The following CYP4V2 variants were observed in gnomAD, a reference collection of about 807,000 sequenced individuals.
CYP4V2 encodes the protein cytochrome P450 family 4 subfamily V member 2, also known as cytochrome P450 4V2.
In CYP4V2, 55 loss-of-function variants were observed where a neutral mutation model predicts 60.8. That is an observed-to-expected ratio of 0.90 (90% CI 0.73 to 1.13). The LOEUF is 1.13. CYP4V2 is among the 50% of genes most tolerant of loss of function. CYP4V2 has a pLI of 0.00. For missense variants in CYP4V2, 675 were observed against 662.9 expected, an observed-to-expected ratio of 1.02 and a Z score of -0.20; for synonymous variants, 239 against 236.8, an observed-to-expected ratio of 1.01 and a Z score of -0.08.
Position 186,191,969 on chromosome 4 carries a change from C to A in CYP4V2, c.146C>A (p.Pro49His). The change falls in exon 1 of 11, where the codon CCC becomes CAC. Residue 49 changes from proline (P) to histidine (H), a missense_variant. Pro to His is a moderately conservative substitution (Grantham distance 77, BLOSUM62 -2). Coordinates refer to ENST00000378802, the MANE Select transcript of CYP4V2 (RefSeq NM_207352.4). Reference sequence around the variant, plus strand: ...GCGCGGAAATGGCAGCAGATGCGGCCCATCCCCACGGTGGCCCGCGCCTAC... The same window carrying A: ...GCGCGGAAATGGCAGCAGATGCGGCACATCCCCACGGTGGCCCGCGCCTAC... ...SYARKWQQMRPIPTVARAYPL... is the reference protein window; with the variant it reads ...SYARKWQQMRHIPTVARAYPL... 6.3e-7 allele frequency: 1 copy of A among 1,586,336 alleles called. No individual in the cohort carries two copies.
chr4:186,211,428 CT>C lies in CYP4V2; in HGVS notation c.*788del, dbSNP rs1736717358. ...TCCCAGGTTCAAGTGATTCTCCTGC[CT>C]CAGCCTCCTGAGTAGCTGGGACTAC... On this transcript the variant is annotated 3_prime_UTR_variant, in exon 11 of 11. Coordinates refer to ENST00000378802, the MANE Select transcript of CYP4V2 (RefSeq NM_207352.4). 1 of 152,232 alleles carries C rather than the reference CT, an allele frequency of 6.6e-6. No individual in the cohort carries two copies. The highest frequency in any genetic ancestry group is 2.4e-5 in the African/African-American group (1 of 41,428). The allele number at this position is 152,232 out of a possible 1,614,324, so 9.4% of individuals were successfully genotyped here.
chr4:186,205,547 C>T (rs1736471962), intron 8 of CYP4V2, among the ~76,000 whole-genome samples: 2 of 152,154 alleles, frequency 1.3e-5, no homozygotes, highest in South Asian at 4.1e-4. Context: ...CTCACTGCTA[C>T]CCAGGCGAAA....
intron 4 of CYP4V2, 175 bp from the exon 5 acceptor site, chr4:186,197,357 AG>A: frequency 1.2e-6 from 1 of 844,188 alleles, no homozygotes; most frequent in Middle Eastern, 2.2e-4. Flanking sequence ...AAGGAAGAAC[AG>A]GAACAGGGAG....
chr4:186,201,539 G>T, intron 7 of CYP4V2, 197 bp downstream of exon 7: 1 of 590,872 alleles, frequency 1.7e-6, no homozygotes, highest in Non-Finnish European at 2.9e-6. Context: ...ATTTTGACTA[G>T]TGCTGGGCAC....
intron 8 of CYP4V2, among the ~76,000 whole-genome samples, chr4:186,205,516 C>G (rs578031218): frequency 3.3e-5 from 5 of 152,296 alleles, no homozygotes; most frequent in Non-Finnish European, 5.9e-5. Context: ...TGCACTGATG[C>G]GTGCTGCTGT....
At chr4:186,202,087 C>A (rs551010322) in intron 7 of CYP4V2, 1 of 152,240 alleles carries the variant, frequency 6.6e-6, no homozygotes, top group African/African-American at 2.4e-5. Context: ...TGAGGCTCCA[C>A]GACACGGTAG....
chr4:186,197,367 A>G, intron 4 of CYP4V2, 166 bp from the exon 5 acceptor site: 1 of 856,924 alleles, frequency 1.2e-6, no homozygotes, highest in Non-Finnish European at 1.9e-6. Context: ...AGGAACAGGG[A>G]GTAGAAGTGG....
At chr4:186,202,927 T>G (rs1736364035) in intron 7 of CYP4V2, 2 of 149,742 alleles carry the variant, frequency 1.3e-5, no homozygotes, top group African/African-American at 4.9e-5. Flanking sequence ...CATGCACACA[T>G]GCATGCATAC....
At position 186,194,632 on chromosome 4, in the gene CYP4V2, A is replaced by T. The variant is rs911209750; in HGVS notation, c.327+20A>T. On this transcript the variant is annotated intron_variant, in intron 2 of 10. Coordinates refer to ENST00000378802, the MANE Select transcript of CYP4V2 (RefSeq NM_207352.4). ...GTGGAGGTGGGTACATGTGAATATG[A>T]TCAGTATTGTACTGTGTATCTGACA... 29 of 1,579,294 alleles carry T rather than the reference A, an allele frequency of 1.8e-5. No individual in the cohort carries two copies. The highest frequency in any genetic ancestry group is 1.7e-4 in the Admixed American group (10 of 59,832).
intron 8 of CYP4V2, among the ~76,000 whole-genome samples, chr4:186,208,456 A>G (rs1333928881): frequency 6.6e-6 from 1 of 151,344 alleles, no homozygotes; most frequent in African/African-American, 2.4e-5. Context: ...GCCTTGATCC[A>G]CATGTTCTTC....
chr4:186,205,403 C>CGTGG, intron 8 of CYP4V2, 101 bp downstream of exon 8: 3 of 1,145,390 alleles, frequency 2.6e-6, no homozygotes, highest in Non-Finnish European at 4.0e-6. Flanking sequence ...GGCTCCCCCA[C>CGTGG]GGGATCCTTT....
At chr4:186,193,949 T>C (rs1036960917) in intron 1 of CYP4V2, among the ~76,000 whole-genome samples, 1 of 152,204 alleles carries the variant, frequency 6.6e-6, no homozygotes, top group African/African-American at 2.4e-5. Flanking sequence ...CTCCCAGCTG[T>C]TGGACCTGCT....
chr4:186,212,401 G>T lies in CYP4V2; in HGVS notation c.*1760G>T, dbSNP rs913011391. On this transcript the variant is annotated 3_prime_UTR_variant, in exon 11 of 11. Transcript: ENST00000378802. ...CAACCTTATAGATCATACTTATGAA[G>T]GTGATAACTGACACGTGTTCACTGA... The T allele has an allele frequency of 6.6e-6, 1 of 152,142 alleles. No homozygotes were observed. The highest frequency in any genetic ancestry group is 2.4e-5 in the African/African-American group (1 of 41,428). The allele number at this position is 152,142 out of a possible 1,614,324, so 9.4% of individuals were successfully genotyped here.
chr4:186,210,840 T>A lies in CYP4V2; in HGVS notation c.*199T>A. The A allele has an allele frequency of 7.5e-6, 2 of 265,778 alleles. No homozygotes were observed. Among genetic ancestry groups the A allele is most frequent in the East Asian group, 7.8e-5 (1 of 12,746 alleles). The allele number at this position is 265,778 out of a possible 1,614,324, so 16.5% of individuals were successfully genotyped here. ...TATTTTCTTTTTTCTTTTTTCTTTA[T>A]TTTTTTTTTTTGAAACCGTGTCTCA... On this transcript the variant is annotated 3_prime_UTR_variant, in exon 11 of 11. Transcript: ENST00000378802.
chr4:186,197,040 A>C lies in CYP4V2; in HGVS notation c.514A>C (p.Ile172Leu), dbSNP rs1332638695. ...AGATATCATGAATGAACAAGCAAATATATTGGTTAAGAAACTTGAAAAACA... is the reference window on the plus strand; with the variant it reads ...AGATATCATGAATGAACAAGCAAATCTATTGGTTAAGAAACTTGAAAAACA... ...FLDIMNEQAN[I>L]LVKKLEKHIN... The change falls in exon 4 of 11, where the codon ATA (isoleucine) becomes CTA (leucine). Residue 172 changes from isoleucine (I) to leucine (L), a missense_variant. Transcript: ENST00000378802. 6.2e-7 allele frequency: 1 copy of C among 1,613,824 alleles called. No homozygotes were observed. Among genetic ancestry groups the C allele is most frequent in the Admixed American group, 1.7e-5 (1 of 60,000 alleles).
At position 186,211,919 on chromosome 4, in the gene CYP4V2, A is replaced by T. The variant is rs1736735880; in HGVS notation, c.*1278A>T. The T allele has an allele frequency of 6.6e-6, 1 of 152,152 alleles. No homozygotes were observed. Among genetic ancestry groups the T allele is most frequent in the South Asian group, 2.1e-4 (1 of 4,822 alleles). The allele number at this position is 152,152 out of a possible 1,614,324, so 9.4% of individuals were successfully genotyped here. On this transcript the variant is annotated 3_prime_UTR_variant, in exon 11 of 11. Coordinates refer to ENST00000378802, the MANE Select transcript of CYP4V2 (RefSeq NM_207352.4). ...TTCATTTAATTCCTCATAGAATCCC[A>T]GTCACCTTTATATATCATATTATTG...
At position 186,192,039 on chromosome 4, in the gene CYP4V2, T is replaced by A. The variant is rs1396384807; in HGVS notation, c.214+2T>A. 1.3e-6 allele frequency: 2 copies of A among 1,568,898 alleles called. No homozygotes were observed. The highest frequency in any genetic ancestry group is 2.7e-5 in the African/African-American group (2 of 74,074). On this transcript the variant is annotated splice_donor_variant, in intron 1 of 10. Coordinates refer to ENST00000378802, the MANE Select transcript of CYP4V2 (RefSeq NM_207352.4). LOFTEE classifies it high-confidence loss of function. ...TGCTGATGAAGCCGGACGGGCGAGG[T>A]AAGGGCCGGCGCTCCTCCTGGAGCG... is the stretch of plus-strand genomic sequence containing the variant.
chr4:186,197,879 G>A (rs1292683603), intron 5 of CYP4V2, among the ~76,000 whole-genome samples: 2 of 152,112 alleles, frequency 1.3e-5, no homozygotes, highest in African/African-American at 4.8e-5. Context: ...AGAAAAGAAA[G>A]ATATAAACAG....
At chr4:186,205,023 T>C (rs1441090829) in intron 7 of CYP4V2, 177 bp from the exon 8 acceptor site, 19 of 683,084 alleles carry the variant, frequency 2.8e-5, no homozygotes, top group Middle Eastern at 7.4e-4. Context: ...AACCTCCGCT[T>C]TGCAGGCTTG....
Sources: allele counts gnomAD v4.1 joint callset (sites outside exome capture counted in the v4.1 genomes callset), GRCh38; gene constraint gnomAD v4.1.1; transcripts MANE v1.5; gene names NCBI Gene and HGNC (gene_info 2026-07-23, HGNC 2026-07-21).